The following RBFOX2 variants were observed in gnomAD, a reference collection of about 807,000 sequenced individuals.
RBFOX2 encodes RNA binding protein fox-1 homolog 2.
RBFOX2 carries 10 observed loss-of-function variants against 49.1 expected under a neutral mutation model. That is an observed-to-expected ratio of 0.20 (90% CI 0.13 to 0.35). The LOEUF (loss-of-function observed/expected upper bound fraction) is 0.35, where lower values mean the gene tolerates loss of function less well. Ranked by LOEUF, RBFOX2 falls within the 10% of genes least tolerant of loss-of-function variation. The pLI is 1.00. For synonymous variants in RBFOX2, 183 were observed against 187.4 expected (o/e 0.98, Z 0.19); for missense variants, 323 against 486.9 (o/e 0.66, Z 3.17).
At chr22:35,840,319 A>G in exon 1 of RBFOX2, 1 of 1,585,264 alleles carries the variant, frequency 6.3e-7, no homozygotes, top group African/African-American at 1.4e-5. Flanking sequence ...CTAGCTATTT[A>G]AGGGTGGGTA....
intron 1 of RBFOX2, among the ~76,000 whole-genome samples, chr22:35,976,556 G>A (rs1170872028): frequency 6.6e-6 from 1 of 151,984 alleles, no homozygotes; most frequent in African/African-American, 2.4e-5. Context: ...TATGAAACAA[G>A]CCACATTTAT....
chr22:35,901,417 G>A (rs1307080395), intron 1 of RBFOX2, among the ~76,000 whole-genome samples: 2 of 152,146 alleles, frequency 1.3e-5, no homozygotes, highest in African/African-American at 2.4e-5. Context: ...GGAGGCTGAG[G>A]CAGGAGGGTT....
chr22:35,945,480 G>A lies in RBFOX2; in HGVS notation c.43-6583C>T, dbSNP rs77379866. ...TTTGAGGGTCTCACACTGTCGCCCA[G>A]GCTGGACTGGAGTGCAGTGGCATGA... is the stretch of plus-strand genomic sequence containing the variant. On this transcript the variant is annotated intron_variant, in intron 1 of 5. Coordinates refer to the RBFOX2 transcript ENST00000408983. 8.3e-3 allele frequency among the ~76,000 whole-genome samples: 1,267 copies of A among 152,234 alleles called. 13 individuals carry two copies. Among genetic ancestry groups the A allele is most frequent in the African/African-American group, 0.029 (1,220 of 41,522 alleles).
chr22:35,837,486 C>G (rs1279625029), intron 1 of RBFOX2, among the ~76,000 whole-genome samples: 1 of 141,476 alleles, frequency 7.1e-6, no homozygotes, highest in African/African-American at 3.1e-5. Context: ...ATGTCTGGCT[C>G]AAACACACAC....
chr22:35,814,632 G>C (rs1461314783), intron 1 of RBFOX2, among the ~76,000 whole-genome samples: 2 of 146,256 alleles, frequency 1.4e-5, no homozygotes, highest in East Asian at 4.0e-4. Context: ...GATCACTTGA[G>C]CTTGGGAGAT....
intron 1 of RBFOX2, among the ~76,000 whole-genome samples, chr22:35,944,176 T>C (rs916871664): frequency 8.5e-5 from 13 of 152,196 alleles, no homozygotes; most frequent in African/African-American, 3.1e-4. Flanking sequence ...GTGCGACTGA[T>C]ACCATAACTA....
chr22:35,891,158 T>G (rs528474302), intron 1 of RBFOX2, among the ~76,000 whole-genome samples: 2 of 152,166 alleles, frequency 1.3e-5, no homozygotes, highest in African/African-American at 4.8e-5. Context: ...GGGCACACTA[T>G]GTCTTCGCTC....
intron 9 of RBFOX2, among the ~76,000 whole-genome samples, chr22:35,758,964 C>A (rs1937722887): frequency 6.6e-6 from 1 of 152,040 alleles, no homozygotes. Flanking sequence ...GCTACTTATT[C>A]CTCCGTAAGA....
intron 1 of RBFOX2, among the ~76,000 whole-genome samples, chr22:35,878,536 C>T (rs1423080011): frequency 6.6e-6 from 1 of 152,194 alleles, no homozygotes; most frequent in African/African-American, 2.4e-5. Flanking sequence ...TCCAAGTAGC[C>T]AGGACTACAG....
At chr22:35,820,638 T>G (rs986355415) in intron 1 of RBFOX2, among the ~76,000 whole-genome samples, 1 of 152,222 alleles carries the variant, frequency 6.6e-6, no homozygotes, top group Non-Finnish European at 1.5e-5. Context: ...AGGCAGGTAA[T>G]TGTCCAGATC....
At chr22:35,791,209 AC>A (rs1947550267) in intron 2 of RBFOX2, among the ~76,000 whole-genome samples, 1 of 151,962 alleles carries the variant, frequency 6.6e-6, no homozygotes, top group Non-Finnish European at 1.5e-5. Flanking sequence ...ACATGGTGAA[AC>A]CTCGTCTCCA....
intron 1 of RBFOX2, among the ~76,000 whole-genome samples, chr22:35,873,613 C>A (rs895715859): frequency 6.6e-6 from 1 of 152,192 alleles, no homozygotes; most frequent in Admixed American, 6.5e-5. Flanking sequence ...CAATTTTTTA[C>A]ATCCTGTGAG....
At chr22:35,828,867 C>T (rs893076435) in intron 1 of RBFOX2, among the ~76,000 whole-genome samples, 4 of 152,004 alleles carry the variant, frequency 2.6e-5, no homozygotes, top group African/African-American at 9.7e-5. Flanking sequence ...CTGGCTAACA[C>T]AGCGAAACCC....
chr22:35,744,551 CAA>C (rs1931638437), intron 11 of RBFOX2, among the ~76,000 whole-genome samples: 1 of 152,294 alleles, frequency 6.6e-6, no homozygotes, highest in South Asian at 2.1e-4. Context: ...ACAAGTTCCG[CAA>C]AGAGTTTGAT....
rs140352816 is a variant in RBFOX2, at chr22:35,745,862, G to A, written c.1049+61C>T. The A allele has an allele frequency of 7.3e-4, 1,103 of 1,502,196 alleles. 11 individuals are homozygous for A. In the East Asian group the frequency reaches 0.02, roughly 27 times the overall value. 93.1% of individuals were successfully genotyped at this position (1,502,196 alleles called of 1,614,324 possible). ...TTACTACCTCCCTAGATCTTCTGTA[G>A]TCTACGGGTAAAAGAAGGAATGAAA... is the stretch of plus-strand genomic sequence containing the variant. On this transcript the variant is annotated intron_variant, in intron 11 of 11. Transcript: ENST00000405409.
chr22:35,894,406 G>A (rs576443741), intron 1 of RBFOX2, among the ~76,000 whole-genome samples: 2 of 152,004 alleles, frequency 1.3e-5, no homozygotes, highest in Non-Finnish European at 2.9e-5. Flanking sequence ...TAATCATGCC[G>A]CCTATTGGCT....
chr22:35,815,634 T>C (rs1018109738), intron 1 of RBFOX2, among the ~76,000 whole-genome samples: 1 of 152,168 alleles, frequency 6.6e-6, no homozygotes, highest in African/African-American at 2.4e-5. Context: ...GAATGGATCA[T>C]GCACACAAAC....
At chr22:35,930,263 C>A (rs925685522) in intron 1 of RBFOX2, among the ~76,000 whole-genome samples, 4 of 151,658 alleles carry the variant, frequency 2.6e-5, no homozygotes, top group African/African-American at 9.7e-5. Flanking sequence ...TCAGGTGATT[C>A]CCCCGCCGCA....
chr22:35,901,384 G>C (rs564559470), intron 1 of RBFOX2, among the ~76,000 whole-genome samples: 2 of 152,254 alleles, frequency 1.3e-5, no homozygotes, highest in South Asian at 4.2e-4. Context: ...GTGGTGATGT[G>C]AGCCTGTAAT....
Sources: allele counts gnomAD v4.1 joint callset (sites outside exome capture counted in the v4.1 genomes callset), GRCh38; gene constraint gnomAD v4.1.1; transcripts MANE v1.5; gene names NCBI Gene and HGNC (gene_info 2026-07-23, HGNC 2026-07-21).